The following LDAH variants were observed in gnomAD, a reference collection of about 807,000 sequenced individuals.
LDAH encodes the protein lipid droplet-associated hydrolase.
A neutral mutation model predicts 29.6 loss-of-function variants in LDAH; 26 were observed. The observed-to-expected ratio is 0.88, with a 90% CI of 0.64 to 1.22. LDAH has a LOEUF of 1.22. Among genes scored for constraint, LDAH ranks in the 50% most tolerant of loss-of-function variants. LDAH has a pLI of 0.00. For missense variants in LDAH, 344 were observed against 387.3 expected, an observed-to-expected ratio of 0.89 and a Z score of 0.94; for synonymous variants, 117 against 133.0, an observed-to-expected ratio of 0.88 and a Z score of 0.83.
At chr2:20,775,477 A>T (rs2125019962) in intron 3 of LDAH, among the ~76,000 whole-genome samples, 1 of 152,296 alleles carries the variant, frequency 6.6e-6, no homozygotes, top group Non-Finnish European at 1.5e-5. Flanking sequence ...GGAGATGTTG[A>T]TGCACTGGGT....
chr2:20,774,678 G>A, intron 4 of LDAH, 132 bp downstream of exon 4: 1 of 863,982 alleles, frequency 1.2e-6, no homozygotes, highest in Non-Finnish European at 1.9e-6. Flanking sequence ...AAGGATAAAG[G>A]CAGAAAGCAA....
chr2:20,764,782 G>A (rs1218432393), intron 4 of LDAH, among the ~76,000 whole-genome samples: 1 of 152,200 alleles, frequency 6.6e-6, no homozygotes. Context: ...AACAGGTAGT[G>A]GGAAAGTTAG....
At chr2:20,758,569 GA>G (rs1317938203) in intron 4 of LDAH, among the ~76,000 whole-genome samples, 2 of 152,062 alleles carry the variant, frequency 1.3e-5, no homozygotes, top group African/African-American at 4.8e-5. Context: ...CATCTAACAG[GA>G]AAAATCAAAG....
chr2:20,768,204 C>G (rs1474949953), intron 4 of LDAH, among the ~76,000 whole-genome samples: 3 of 152,184 alleles, frequency 2.0e-5, no homozygotes, highest in Admixed American at 2.0e-4. Context: ...ACAAACAAAG[C>G]TGAAACATGC....
At position 20,799,388 on chromosome 2, in the gene LDAH, T is replaced by C. The variant is rs113762500; in HGVS notation, c.154+1922A>G. 5.1e-3 allele frequency among the ~76,000 whole-genome samples: 781 copies of C among 152,330 alleles called. 7 individuals are homozygous for C. The highest frequency in any genetic ancestry group is 0.018 in the African/African-American group (741 of 41,572). On this transcript the variant is annotated intron_variant, in intron 2 of 6. Transcript: ENST00000237822. ...TATTGATATTTATGTTATATATTCA[T>C]GGGGTACATGTGATATTTCGTTACC...
rs1263109144 is a variant in LDAH at position 20,684,855 on chromosome 2, T to C, written c.*2048A>G. ...CTGGAAAATGGATTTCTTCCACTGT[T>C]TGTCCATTTTAGTCTAATCCCTAAT... is the stretch of plus-strand genomic sequence containing the variant. On this transcript the variant is annotated 3_prime_UTR_variant, in exon 7 of 7. Coordinates refer to ENST00000237822, the MANE Select transcript of LDAH (RefSeq NM_021925.4). 3 of 1,542,894 alleles carry C rather than the reference T, an allele frequency of 1.9e-6. No individual in the cohort carries two copies. In the African/African-American group the frequency reaches 4.1e-5, roughly 21 times the overall value.
At chr2:20,736,412 A>C (rs933580445) in intron 5 of LDAH, among the ~76,000 whole-genome samples, 4 of 152,156 alleles carry the variant, frequency 2.6e-5, no homozygotes, top group African/African-American at 9.7e-5. Context: ...ACTGCACCCT[A>C]GCCTGGGTGG....
chr2:20,716,946 G>C (rs1239675187), intron 5 of LDAH, among the ~76,000 whole-genome samples: 4 of 150,726 alleles, frequency 2.7e-5, no homozygotes, highest in South Asian at 2.1e-4. Flanking sequence ...GTTAATAAAA[G>C]GGTGTTGTTT....
intron 4 of LDAH, among the ~76,000 whole-genome samples, chr2:20,750,010 C>T (rs1667852600): frequency 6.7e-6 from 1 of 148,476 alleles, no homozygotes; most frequent in African/African-American, 2.5e-5. Context: ...ATTTTTACGT[C>T]TGCCTTACTA....
chr2:20,800,388 A>G lies in LDAH; in HGVS notation c.154+922T>C, dbSNP rs537475268. 1.8e-4 allele frequency among the ~76,000 whole-genome samples: 27 copies of G among 152,380 alleles called. 1 individual carries two copies. Among genetic ancestry groups the G allele is most frequent in the Non-Finnish European group, 2.9e-4 (20 of 68,042 alleles). The stretch of plus-strand genomic sequence containing the variant: ...TTTACAGTTGTGTAAGAATCAACTG[A>G]AAATCAATAAGGAAAACATTGAAAA... On this transcript the variant is annotated intron_variant, in intron 2 of 6. Transcript: ENST00000237822.
chr2:20,805,471 G>A (rs1217719623), intron 1 of LDAH, among the ~76,000 whole-genome samples: 1 of 152,150 alleles, frequency 6.6e-6, no homozygotes, highest in Non-Finnish European at 1.5e-5. Flanking sequence ...AGAATCCAAG[G>A]TAGTTCAGTT....
chr2:20,754,615 C>G (rs1363268425), intron 4 of LDAH, among the ~76,000 whole-genome samples: 1 of 151,804 alleles, frequency 6.6e-6, no homozygotes, highest in Non-Finnish European at 1.5e-5. Context: ...TGATGAGCAG[C>G]TGGATGTCAT....
intron 1 of LDAH, among the ~76,000 whole-genome samples, chr2:20,801,920 C>T (rs1228855314): frequency 1.3e-5 from 2 of 150,390 alleles, no homozygotes; most frequent in Non-Finnish European, 3.0e-5. Flanking sequence ...CTTCTCTTCT[C>T]CCAAATTCTA....
chr2:20,796,758 G>C lies in LDAH; in HGVS notation c.154+4552C>G, dbSNP rs139597355. On this transcript the variant is annotated intron_variant, in intron 2 of 6. Coordinates refer to ENST00000237822, the MANE Select transcript of LDAH (RefSeq NM_021925.4). ...AGAGCCCAGGAACTGCATTTTTAAA[G>C]TTCTCAAGCAATACTTCTGATCCTG... is the stretch of plus-strand genomic sequence containing the variant. 1.5e-3 allele frequency among the ~76,000 whole-genome samples: 235 copies of C among 152,220 alleles called. 2 individuals are homozygous for C. Among genetic ancestry groups the C allele is most frequent in the African/African-American group, 5.3e-3 (221 of 41,512 alleles).
At chr2:20,801,496 G>C in intron 1 of LDAH, 31 bp from the exon 2 acceptor site, 2 of 1,588,340 alleles carry the variant, frequency 1.3e-6, no homozygotes, top group Non-Finnish European at 1.7e-6. Context: ...AGTATGAAGA[G>C]TCAGTAAAAT....
chr2:20,685,414 G>T lies in LDAH; in HGVS notation c.*1489C>A. ...ATCTGTGTACAGCCCTGTGCTTACG[G>T]CCTATGTATCTATTAGCTCTTCCCC... On this transcript the variant is annotated 3_prime_UTR_variant, in exon 7 of 7. Transcript: ENST00000237822. 1 of 1,153,410 alleles carries T rather than the reference G, an allele frequency of 8.7e-7. No individual in the cohort carries two copies. Among genetic ancestry groups the T allele is most frequent in the Non-Finnish European group, 1.2e-6 (1 of 834,140 alleles). 71.4% of individuals were successfully genotyped at this position (1,153,410 alleles called of 1,614,324 possible). A position where few individuals can be genotyped will look rare whatever the true frequency, so the allele number is the denominator to read the frequency against.
At chr2:20,807,543 A>G (rs1672155395) in intron 1 of LDAH, among the ~76,000 whole-genome samples, 1 of 152,144 alleles carries the variant, frequency 6.6e-6, no homozygotes, top group African/African-American at 2.4e-5. Context: ...TTAAATATTC[A>G]AAATTTAATC....
intron 4 of LDAH, among the ~76,000 whole-genome samples, chr2:20,759,615 T>G (rs1223758682): frequency 1.9e-4 from 29 of 152,290 alleles, no homozygotes. Context: ...ACAATCATAC[T>G]TCTCATCTCC....
intron 5 of LDAH, among the ~76,000 whole-genome samples, chr2:20,706,655 GGAGT>G (rs1327744967): frequency 2.6e-5 from 4 of 151,344 alleles, no homozygotes; most frequent in Non-Finnish European, 5.9e-5. Flanking sequence ...TGAACAAGAT[GGAGT>G]AAGAGGGACT....
Sources: gnomAD v4.1 joint callset for allele counts (sites outside exome capture counted in the v4.1 genomes callset) on GRCh38, gnomAD v4.1.1 for gene constraint, MANE v1.5 for transcripts, NCBI Gene and HGNC (gene_info 2026-07-23, HGNC 2026-07-21) for gene names.